The following RHOC variants were observed in gnomAD, a reference collection of about 807,000 sequenced individuals.
The protein encoded by RHOC is rho-related GTP-binding protein RhoC.
In RHOC, 13 loss-of-function variants were observed where a neutral mutation model predicts 19.5. That is an observed-to-expected ratio of 0.67 (90% CI 0.43 to 1.06). The LOEUF is 1.06. Among genes scored for constraint, RHOC ranks in the 50% least tolerant of loss-of-function variants. The probability of loss-of-function intolerance (pLI) is 0.00; values close to 1 mark genes in which losing one functional copy is unlikely to be tolerated. For missense variants in RHOC, 173 were observed against 256.9 expected, an observed-to-expected ratio of 0.67 and a Z score of 2.23; for synonymous variants, 106 against 97.3, an observed-to-expected ratio of 1.09 and a Z score of -0.52.
chr1:112,705,350 G>GAACGCCTCTACTCCCC, intron 1 of RHOC, 182 bp from the exon 2 acceptor site: 1 of 618,480 alleles, frequency 1.6e-6, no homozygotes, highest in South Asian at 1.8e-5. Flanking sequence ...TGGGCTGACT[G>GAACGCCTCTACTCCCC]AACGCCTCTA....
chr1:112,706,228 T>C (rs1361896098), intron 1 of RHOC: 1 of 153,158 alleles, frequency 6.5e-6, no homozygotes, highest in Non-Finnish European at 1.5e-5. Context: ...GAGCGGCCGG[T>C]TGACTTTGCC....
At chr1:112,705,460 T>G (rs1020259314) in intron 1 of RHOC, 12 of 574,640 alleles carry the variant, frequency 2.1e-5, no homozygotes, top group Admixed American at 4.7e-5. Flanking sequence ...GGCCCTTCCC[T>G]TGCCTCCAGA....
At chr1:112,701,734 G>A in intron 5 of RHOC, 21 bp from the exon 6 acceptor site, 1 of 1,613,088 alleles carries the variant, frequency 6.2e-7, no homozygotes. Flanking sequence ...ATAAGATGAG[G>A]GGTCAAAGGA....
rs1674719938 is a variant in RHOC, at chr1:112,703,244, CATT to C, written c.157-128_157-126del. On this transcript the variant is annotated intron_variant, in intron 3 of 5. Transcript: ENST00000339083. ...ATTTGAGCACCTGCTATGCACCAGG[CATT>C]ATATTAATCACTGTCCCACAACATA... 3.9e-6 allele frequency: 4 copies of C among 1,022,630 alleles called. No homozygotes were observed. In the South Asian group the frequency reaches 6.0e-5, roughly 15 times the overall value. The allele number at this position is 1,022,630 out of a possible 1,614,324, so 63.3% of individuals were successfully genotyped here.
At chr1:112,706,464 CCACACACACACA>C (rs57078670) in intron 1 of RHOC, among the ~76,000 whole-genome samples, 72 of 23,012 alleles carry the variant, frequency 3.1e-3, no homozygotes, top group African/African-American at 0.014. Context: ...CACACACACA[CCACACACACACA>C]CACACACACA....
chr1:112,703,468 A>G (rs1674731693), intron 3 of RHOC, 176 bp downstream of exon 3: 1 of 745,096 alleles, frequency 1.3e-6, no homozygotes, highest in African/African-American at 1.7e-5. Flanking sequence ...CTGTGGGAGA[A>G]CCAGAAAGTA....
At position 112,706,458 on chromosome 1, in the gene RHOC, CACACACCACACACACACACACACACACA is replaced by C. The variant is rs1674862633; in HGVS notation, c.-77+592_-77+619del. On this transcript the variant is annotated intron_variant, in intron 1 of 5. Coordinates refer to ENST00000339083, the MANE Select transcript of RHOC (RefSeq NM_175744.5). ...ACACACACACACACACACACACACA[CACACACCACACACACACACACACACACA>C]CACACACACACACACACACACACAC... Among the ~76,000 whole-genome samples the C allele has an allele frequency of 4.6e-3, 115 of 24,812 alleles. 1 individual carries two copies. The highest frequency in any genetic ancestry group is 0.015 in the African/African-American group (109 of 7,194). 16.3% of individuals were successfully genotyped at this position (24,812 alleles called of 152,430 possible).
Position 112,705,098 on chromosome 1 carries a change from A to T in RHOC, c.-8+2T>A, listed in dbSNP as rs1261919918. 4 of 702,130 alleles carry T rather than the reference A, an allele frequency of 5.7e-6. No individual in the cohort carries two copies. The Admixed American group carries it at 6.0e-5, about 11-fold the overall frequency. The allele number at this position is 702,130 out of a possible 1,614,324, so 43.5% of individuals were successfully genotyped here. A position where few individuals can be genotyped will look rare whatever the true frequency, so the allele number is the denominator to read the frequency against. ...CCTCCTTCCCTGGGGAGGGGAACTGACCTCCAGCCGGCTGAAGTTCCCAGG... is the reference window on the plus strand; with the variant it reads ...CCTCCTTCCCTGGGGAGGGGAACTGTCCTCCAGCCGGCTGAAGTTCCCAGG... On this transcript the variant is annotated splice_donor_variant, in intron 2 of 5. Transcript: ENST00000339083. LOFTEE classifies it low-confidence loss of function (5UTR_SPLICE).
chr1:112,703,636 G>A lies in RHOC; in HGVS notation c.156+8C>T, dbSNP rs1265126621. 1 of 1,609,980 alleles carries A rather than the reference G, an allele frequency of 6.2e-7. No individual in the cohort carries two copies. The highest frequency in any genetic ancestry group is 8.5e-7 in the Non-Finnish European group (1 of 1,177,940). Reference sequence around the variant, plus strand: ...AGGGTGGGGTGGGAAGGGCATTTCTGCCTTCACCTGCTTGCCGTCCACCTC... The same window carrying A: ...AGGGTGGGGTGGGAAGGGCATTTCTACCTTCACCTGCTTGCCGTCCACCTC... On this transcript the variant is annotated splice_region_variant and intron_variant, in intron 3 of 5. Transcript: ENST00000339083.
intron 2 of RHOC, chr1:112,704,135 G>A (rs572261140): frequency 7.7e-5 from 20 of 260,628 alleles, no homozygotes; most frequent in South Asian, 2.1e-4. Context: ...TCAGGGATGC[G>A]GGACGTCCAG....
Position 112,702,689 on chromosome 1 carries a change from G to A in RHOC, c.282C>T (p.Asn94=), listed in dbSNP as rs1398235455. 1 of 1,614,134 alleles carries A rather than the reference G, an allele frequency of 6.2e-7. No individual in the cohort carries two copies. The highest frequency in any genetic ancestry group is 8.5e-7 in the Non-Finnish European group (1 of 1,180,006). The change falls in exon 5 of 6, where the codon AAC becomes AAT. Residue 94 remains asparagine, a synonymous_variant. Transcript: ENST00000339083. The part of the protein sequence containing the change: ...FSIDSPDSLE[N]IPEKWTPEVK... ...CCTCTGGGGTCCACTTCTCAGGAAT[G>A]TTTTCTGTGTAGACATGCACCAACA... is the stretch of plus-strand genomic sequence containing the variant.
At chr1:112,706,430 T>TACACACACACACACACACACAC (rs149206424) in intron 1 of RHOC, among the ~76,000 whole-genome samples, 1 of 49,694 alleles carries the variant, frequency 2.0e-5, no homozygotes, top group Non-Finnish European at 4.1e-5. Flanking sequence ...TCTCTCTCTC[T>TACACACACACACACACACACAC]ACACACACAC....
At chr1:112,706,084 C>T in intron 1 of RHOC, 1 of 176,634 alleles carries the variant, frequency 5.7e-6, no homozygotes. Flanking sequence ...CCCACTGACC[C>T]CTTAAGAGGG....
At chr1:112,706,493 CACACACACACACACACACACACA>C (rs1674887440) in intron 1 of RHOC, among the ~76,000 whole-genome samples, 2 of 31,280 alleles carry the variant, frequency 6.4e-5, no homozygotes, top group South Asian at 1.7e-3. Flanking sequence ...CACACACACA[CACACACACACACACACACACACA>C]CACACACACA....
intron 2 of RHOC, chr1:112,704,252 G>C (rs1206286242): frequency 6.1e-6 from 1 of 164,632 alleles, no homozygotes; most frequent in East Asian, 1.7e-4. Flanking sequence ...GTCCAATCTA[G>C]AACAGACTGT....
In RHOC at chr1:112,701,693, T is replaced by C. The variant is rs1241532608; in HGVS notation, c.429A>G (p.Glu143=). 17 of 1,613,734 alleles carry C rather than the reference T, an allele frequency of 1.1e-5. No individual in the cohort carries two copies. The highest frequency in any genetic ancestry group is 1.3e-5 in the Non-Finnish European group (15 of 1,179,934). The part of the protein sequence containing the change: ...KMKQEPVRSE[E]GRDMANRISA... Reference sequence around the variant, plus strand: ...TGATCCGGTTCGCCATGTCCCGGCCTTCCTCAGACCGAACGGGCTCCTGAG... The same window carrying C: ...TGATCCGGTTCGCCATGTCCCGGCCCTCCTCAGACCGAACGGGCTCCTGAG... Residue 143 remains glutamate, a synonymous_variant, in exon 6 of 6, where the codon GAA becomes GAG. Coordinates refer to ENST00000339083, the MANE Select transcript of RHOC (RefSeq NM_175744.5).
chr1:112,705,965 T>A, intron 1 of RHOC: 1 of 304,620 alleles, frequency 3.3e-6, no homozygotes, highest in Non-Finnish European at 6.6e-6. Flanking sequence ...AGACTTTCCC[T>A]CCAGGCTATG....
chr1:112,701,385 C>A lies in RHOC; in HGVS notation c.*155G>T. On this transcript the variant is annotated 3_prime_UTR_variant, in exon 6 of 6. Transcript: ENST00000339083. Reference sequence around the variant, plus strand: ...GAGCGCTGGGAGGGAGGGCCCGTGCCACCACCTCGGGGCTAGAAAACAATG... The same window carrying A: ...GAGCGCTGGGAGGGAGGGCCCGTGCAACCACCTCGGGGCTAGAAAACAATG... 6.5e-7 allele frequency: 1 copy of A among 1,541,406 alleles called. No individual in the cohort carries two copies. The highest frequency in any genetic ancestry group is 1.2e-5 in the South Asian group (1 of 82,634).
At chr1:112,701,796 G>T (rs752761536) in intron 5 of RHOC, 83 bp from the exon 6 acceptor site, 16 of 1,465,956 alleles carry the variant, frequency 1.1e-5, no homozygotes, top group African/African-American at 1.4e-5. Flanking sequence ...GTAGCAGCTG[G>T]AACAAATGCC....
Sources: allele counts gnomAD v4.1 joint callset (sites outside exome capture counted in the v4.1 genomes callset), GRCh38; gene constraint gnomAD v4.1.1; transcripts MANE v1.5; gene names NCBI Gene and HGNC (gene_info 2026-07-23, HGNC 2026-07-21).